The following LPCAT1 variants were observed in gnomAD, a reference collection of about 807,000 sequenced individuals.
The protein encoded by LPCAT1 is lysophosphatidylcholine acyltransferase 1.
A neutral mutation model predicts 60.9 loss-of-function variants in LPCAT1; 23 were observed. That is an observed-to-expected ratio of 0.38 (90% CI 0.27 to 0.53). The LOEUF is 0.53. Among genes scored for constraint, LPCAT1 ranks in the 20% least tolerant of loss-of-function variants. The pLI is 0.82. For missense variants in LPCAT1, 622 were observed against 723.6 expected, an observed-to-expected ratio of 0.86 and a Z score of 1.61; for synonymous variants, 340 against 301.1, an observed-to-expected ratio of 1.13 and a Z score of -1.34.
chr5:1,465,785 A>ATG (rs1176443194), intron 13 of LPCAT1, among the ~76,000 whole-genome samples: 3 of 150,618 alleles, frequency 2.0e-5, no homozygotes, highest in Non-Finnish European at 1.5e-5. Context: ...GTAAACATGC[A>ATG]CACTTTCAAT....
chr5:1,497,982 T>C (rs183975783), intron 2 of LPCAT1, among the ~76,000 whole-genome samples: 71 of 152,378 alleles, frequency 4.7e-4, no homozygotes, highest in African/African-American at 1.6e-3. Flanking sequence ...TTTACAACAC[T>C]GTGTGTGTTG....
intron 1 of LPCAT1, among the ~76,000 whole-genome samples, chr5:1,506,061 T>C (rs1022595123): frequency 7.2e-5 from 11 of 152,312 alleles, no homozygotes; most frequent in African/African-American, 2.6e-4. Flanking sequence ...TGGGCCACAG[T>C]TGCAATCGCT....
rs552358617 is a variant in LPCAT1 at position 1,506,079 on chromosome 5, G to A, written c.136-4476C>T. The stretch of plus-strand genomic sequence containing the variant: ...GCCACAGTTGCAATCGCTGATCCTC[G>A]GCAAACAGGGCTGATGAGGGGAGGG... On this transcript the variant is annotated intron_variant, in intron 1 of 13. Transcript: ENST00000283415. Among the ~76,000 whole-genome samples, 284 of 152,342 alleles carry A rather than the reference G, an allele frequency of 1.9e-3. 2 individuals are homozygous for A. Among genetic ancestry groups the A allele is most frequent in the Non-Finnish European group, 3.3e-3 (222 of 68,028 alleles).
Position 1,463,684 on chromosome 5 carries a change from A to G in LPCAT1, c.1572T>C (p.Ala524=), listed in dbSNP as rs771229201. ...GCTTCTTGCGAACAGGCTTCCGCCC[A>G]GCGTCTGAGTTTTCCGGGCTGAAAT... The part of the protein sequence containing the change: ...CADFSPENSD[A]GRKPVRKKLD Residue 524 remains alanine (A), a synonymous_variant, in exon 14 of 14, where the codon GCT becomes GCC. Transcript: ENST00000283415. 5.6e-6 allele frequency: 9 copies of G among 1,614,082 alleles called. No individual in the cohort carries two copies. Among genetic ancestry groups the G allele is most frequent in the Non-Finnish European group, 7.6e-6 (9 of 1,180,034 alleles).
intron 13 of LPCAT1, among the ~76,000 whole-genome samples, chr5:1,465,570 C>G (rs1309243856): frequency 6.7e-6 from 1 of 149,936 alleles, no homozygotes; most frequent in Non-Finnish European, 1.5e-5. Context: ...CCCATGCACA[C>G]ACACAAGTGC....
Position 1,495,341 on chromosome 5 carries a change from GC to G in LPCAT1, c.279-428del, listed in dbSNP as rs1319018830. Reference sequence around the variant, plus strand: ...CGCATATCGCAATATGGGGGGGGGGGCGCTCAGAGCTGAGGGCGGAAGCTGA... The same window carrying G: ...CGCATATCGCAATATGGGGGGGGGGGGCTCAGAGCTGAGGGCGGAAGCTGA... On this transcript the variant is annotated intron_variant, in intron 2 of 13. Coordinates refer to ENST00000283415, the MANE Select transcript of LPCAT1 (RefSeq NM_024830.5). The surrounding 1 kb of genome is among the most constrained non-coding windows in gnomAD (Gnocchi z 4.7). 6.7e-6 allele frequency among the ~76,000 whole-genome samples: 1 copy of G among 149,392 alleles called. No homozygotes were observed. The highest frequency in any genetic ancestry group is 1.5e-5 in the Non-Finnish European group (1 of 67,300).
rs527730693 is a variant in LPCAT1, at chr5:1,483,502, C to G, written c.668-16G>C. The G allele has an allele frequency of 4.4e-5, 71 of 1,613,428 alleles. No individual in the cohort carries two copies. The South Asian group carries it at 7.5e-4, about 17-fold the overall frequency. ...ATGAATGCACCTGCCGAGAAAGGAA[C>G]AGCGGTGTTGCCCATGGCAGCCCAC... On this transcript the variant is annotated splice_polypyrimidine_tract_variant and intron_variant, in intron 5 of 13. Transcript: ENST00000283415. The surrounding 1 kb of genome is among the most constrained non-coding windows in gnomAD (Gnocchi z 9.2).
At chr5:1,501,715 G>A in intron 1 of LPCAT1, 112 bp from the exon 2 acceptor site, 1 of 1,099,380 alleles carries the variant, frequency 9.1e-7, no homozygotes, top group Non-Finnish European at 1.3e-6. Flanking sequence ...TGGAGAGCTG[G>A]GGAGGGGCTG....
chr5:1,495,029 T>C lies in LPCAT1; in HGVS notation c.279-115A>G. 1.0e-6 allele frequency: 1 copy of C among 955,272 alleles called. No individual in the cohort carries two copies. The highest frequency in any genetic ancestry group is 1.5e-6 in the Non-Finnish European group (1 of 653,232). 59.2% of individuals were successfully genotyped at this position (955,272 alleles called of 1,614,324 possible). On this transcript the variant is annotated intron_variant, in intron 2 of 13. Coordinates refer to ENST00000283415, the MANE Select transcript of LPCAT1 (RefSeq NM_024830.5). This position sits in a 1 kb window ranked among gnomAD's most constrained non-coding sequence, Gnocchi z 4.7. ...CCAGGGCGCAGTCCAGGCCACGGGC[T>C]TCCTGTGGTCGCCGCCGCTGGGACA...
At chr5:1,464,646 C>T (rs1361861506) in intron 13 of LPCAT1, among the ~76,000 whole-genome samples, 2 of 85,302 alleles carry the variant, frequency 2.3e-5, no homozygotes, top group African/African-American at 3.2e-5. Context: ...CATGCGTGCA[C>T]ACACACACAC....
At chr5:1,485,473 G>A (rs1013729850) in intron 5 of LPCAT1, among the ~76,000 whole-genome samples, 1 of 152,170 alleles carries the variant, frequency 6.6e-6, no homozygotes, top group African/African-American at 2.4e-5. Flanking sequence ...AGGAGGTACG[G>A]GCTTCTAAAC....
chr5:1,505,656 G>C (rs58371035), intron 1 of LPCAT1, among the ~76,000 whole-genome samples: 2 of 152,086 alleles, frequency 1.3e-5, no homozygotes, highest in Non-Finnish European at 2.9e-5. Context: ...CCCTCGGCTC[G>C]CGCACCCCCA....
intron 1 of LPCAT1, among the ~76,000 whole-genome samples, chr5:1,513,159 G>A (rs1002870808): frequency 2.0e-5 from 3 of 152,130 alleles, no homozygotes; most frequent in East Asian, 3.9e-4. Flanking sequence ...CCGCTCCTCC[G>A]GTCCCCAGGC....
At chr5:1,465,845 AAC>A (rs375560386) in intron 13 of LPCAT1, among the ~76,000 whole-genome samples, 48 of 151,514 alleles carry the variant, frequency 3.2e-4, no homozygotes, top group South Asian at 6.3e-4. Context: ...CACGCACGGT[AAC>A]ACACGTGCAC....
intron 3 of LPCAT1, 39 bp downstream of exon 3, chr5:1,494,661 G>A: frequency 6.3e-7 from 1 of 1,577,042 alleles, no homozygotes; most frequent in Non-Finnish European, 8.7e-7. Context: ...CTCCCAGCAG[G>A]GCAGGGTCCC....
chr5:1,505,075 G>C (rs912556885), intron 1 of LPCAT1, among the ~76,000 whole-genome samples: 2 of 148,876 alleles, frequency 1.3e-5, no homozygotes, highest in Admixed American at 1.3e-4. Flanking sequence ...AAACAGCACC[G>C]ACTGCAACAC....
chr5:1,492,934 C>T (rs1579790190), intron 3 of LPCAT1, among the ~76,000 whole-genome samples: 2 of 152,244 alleles, frequency 1.3e-5, no homozygotes, highest in Admixed American at 6.5e-5. Context: ...GAGCAGATGA[C>T]GAACGACCAT....
intron 1 of LPCAT1, among the ~76,000 whole-genome samples, chr5:1,509,921 G>A (rs1280725324): frequency 6.6e-6 from 1 of 152,230 alleles, no homozygotes; most frequent in Non-Finnish European, 1.5e-5. Context: ...TCCCAGGTGA[G>A]GCCTGCAGGA....
intron 1 of LPCAT1, among the ~76,000 whole-genome samples, chr5:1,512,354 G>A (rs1424480429): frequency 6.6e-6 from 1 of 152,174 alleles, no homozygotes; most frequent in Non-Finnish European, 1.5e-5. Context: ...GAGGCTCACA[G>A]GGTCACAAGG....
Sources: gnomAD v4.1 joint callset for allele counts (sites outside exome capture counted in the v4.1 genomes callset) on GRCh38, gnomAD v4.1.1 for gene constraint, Gnocchi (gnomAD v3.1) non-coding constraint, MANE v1.5 for transcripts, NCBI Gene and HGNC (gene_info 2026-07-23, HGNC 2026-07-21) for gene names.